Variants in PLEKHA5 observed in about 807,000 individuals in gnomAD.
PLEKHA5 encodes pleckstrin homology domain containing A5.
Under a neutral mutation model 181.9 loss-of-function variants are expected in PLEKHA5, and 55 were observed. The observed-to-expected ratio is 0.30, with a 90% CI of 0.24 to 0.38. The LOEUF (loss-of-function observed/expected upper bound fraction) is 0.38, where lower values mean the gene tolerates loss of function less well. Ranked by LOEUF, PLEKHA5 falls within the 10% of genes least tolerant of loss-of-function variation. PLEKHA5 has a pLI of 1.00. For missense variants in PLEKHA5, 1,432 were observed against 1,549.5 expected, an observed-to-expected ratio of 0.92 and a Z score of 1.27; for synonymous variants, 535 against 529.4, an observed-to-expected ratio of 1.01 and a Z score of -0.15.
intron 3 of PLEKHA5, among the ~76,000 whole-genome samples, chr12:19,164,989 A>G (rs1041909593): frequency 6.6e-6 from 1 of 152,020 alleles, no homozygotes; most frequent in African/African-American, 2.4e-5. Context: ...CCTCAAAGCA[A>G]GCAACCAACT....
intron 3 of PLEKHA5, 97 bp downstream of exon 3, chr12:19,132,547 C>T: frequency 1.4e-6 from 1 of 700,776 alleles, no homozygotes; most frequent in East Asian, 2.8e-5. Context: ...TCATGATTTT[C>T]TGAAGTTTAT....
chr12:19,344,444 A>G (rs1343521194), intron 22 of PLEKHA5, among the ~76,000 whole-genome samples: 3 of 152,216 alleles, frequency 2.0e-5, no homozygotes, highest in South Asian at 2.1e-4. Flanking sequence ...GTAAGAATCC[A>G]TTGTATAAGG....
chr12:19,167,912 C>A (rs1006836730), intron 3 of PLEKHA5, among the ~76,000 whole-genome samples: 1 of 152,046 alleles, frequency 6.6e-6, no homozygotes, highest in African/African-American at 2.4e-5. Context: ...CCATAAGTCA[C>A]CCCTGGTAGT....
At chr12:19,170,569 G>GCCA (rs35502714) in intron 3 of PLEKHA5, among the ~76,000 whole-genome samples, 15,338 of 151,940 alleles carry the variant, frequency 0.1, 944 homozygotes, top group Admixed American at 0.19. Context: ...ACAGGCACCT[G>GCCA]CCACCACGCC....
At chr12:19,276,498 C>G (rs1220224031) in intron 11 of PLEKHA5, among the ~76,000 whole-genome samples, 2 of 152,296 alleles carry the variant, frequency 1.3e-5, no homozygotes, top group East Asian at 3.9e-4. Context: ...CGAGACCAGC[C>G]TGGCCAAGAT....
chr12:19,361,341 C>T (rs1235432080), intron 28 of PLEKHA5, among the ~76,000 whole-genome samples: 2 of 151,906 alleles, frequency 1.3e-5, no homozygotes, highest in Non-Finnish European at 2.9e-5. Flanking sequence ...CGCCACCACA[C>T]CCCACTAATT....
intron 3 of PLEKHA5, among the ~76,000 whole-genome samples, chr12:19,249,656 T>A (rs1381254754): frequency 6.6e-6 from 1 of 152,188 alleles, no homozygotes; most frequent in Admixed American, 6.5e-5. Flanking sequence ...TGTATATACA[T>A]GTATATGCTG....
At chr12:19,362,922 C>T (rs960130378) in intron 29 of PLEKHA5, among the ~76,000 whole-genome samples, 1 of 150,878 alleles carries the variant, frequency 6.6e-6, no homozygotes, top group Non-Finnish European at 1.5e-5. Context: ...GATTCCGAAC[C>T]CATGGATCTG....
intron 3 of PLEKHA5, chr12:19,201,500 C>T (rs115274019): frequency 1.5e-3 from 232 of 152,128 alleles, no homozygotes; most frequent in African/African-American, 5.3e-3. Context: ...AGAATGAAAA[C>T]GTGTGCACAC....
intron 3 of PLEKHA5, among the ~76,000 whole-genome samples, chr12:19,242,768 G>A (rs1434044602): frequency 6.6e-6 from 1 of 152,010 alleles, no homozygotes; most frequent in South Asian, 2.1e-4. Context: ...TTTCTCACTG[G>A]GGTTTAAGTC....
chr12:19,252,100 T>C (rs1244646658), intron 3 of PLEKHA5, among the ~76,000 whole-genome samples: 1 of 151,676 alleles, frequency 6.6e-6, no homozygotes, highest in East Asian at 1.9e-4. Context: ...CAATAGTCAA[T>C]ATGGAATTTT....
chr12:19,274,805 A>T lies in PLEKHA5; in HGVS notation c.1135A>T (p.Ser379Cys), dbSNP rs2074052426. The T allele has an allele frequency of 3.1e-6, 5 of 1,614,218 alleles. No homozygotes were observed. Among genetic ancestry groups the T allele is most frequent in the Non-Finnish European group, 2.5e-6 (3 of 1,180,042 alleles). The change falls in exon 11 of 32, where the codon AGT becomes TGT. Residue 379 changes from serine (S) to cysteine (C), a missense_variant. Physicochemically the swap from Ser to Cys is moderately radical, Grantham distance 112. Around this residue, in one of 2 missense-constraint regions of PLEKHA5, gnomAD observed 1,143 missense variants for 1,168.4 expected, o/e 0.98. Transcript: ENST00000429027. ...GCACTACAGACCAATCAACTTGAGC[A>T]GTTCAGAGAACAAAATAGTCAATGT... is the stretch of plus-strand genomic sequence containing the variant. ...TVHYRPINLS[S>C]SENKIVNVSL...
intron 3 of PLEKHA5, among the ~76,000 whole-genome samples, chr12:19,162,987 T>A (rs910392523): frequency 1.3e-5 from 2 of 152,182 alleles, no homozygotes; most frequent in Non-Finnish European, 2.9e-5. Flanking sequence ...ATTTATTTAG[T>A]GCCTTTTAAG....
chr12:19,198,006 T>A (rs1469290291), intron 3 of PLEKHA5, among the ~76,000 whole-genome samples: 1 of 152,120 alleles, frequency 6.6e-6, no homozygotes, highest in Non-Finnish European at 1.5e-5. Context: ...ATCTGCTCAC[T>A]TCTCTCCATC....
chr12:19,367,199 T>G (rs2095446942), intron 30 of PLEKHA5, among the ~76,000 whole-genome samples: 1 of 151,422 alleles, frequency 6.6e-6, no homozygotes, highest in Non-Finnish European at 1.5e-5. Flanking sequence ...TTACTCTTTT[T>G]CTTTATGATT....
chr12:19,214,036 A>G (rs897320776), intron 3 of PLEKHA5, among the ~76,000 whole-genome samples: 2 of 152,228 alleles, frequency 1.3e-5, no homozygotes, highest in African/African-American at 4.8e-5. Flanking sequence ...AAACATCAAT[A>G]TTGTTATTGA....
At position 19,218,301 on chromosome 12, in the gene PLEKHA5, C is replaced by T. The variant is rs546175848; in HGVS notation, c.228-35639C>T. Among the ~76,000 whole-genome samples, 270 of 152,114 alleles carry T rather than the reference C, an allele frequency of 1.8e-3. 1 individual carries two copies. The highest frequency in any genetic ancestry group is 6.3e-3 in the African/African-American group (260 of 41,528). ...GTAATGTTTGCACAAAATGTTTTCT[C>T]CTCCAGTGTTACATGAGAAAACGGA... On this transcript the variant is annotated intron_variant, in intron 3 of 31. Transcript: ENST00000429027.
chr12:19,319,183 T>C (rs1205498348), intron 16 of PLEKHA5, among the ~76,000 whole-genome samples: 1 of 152,202 alleles, frequency 6.6e-6, no homozygotes, highest in East Asian at 1.9e-4. Flanking sequence ...TTGAATAGTA[T>C]AAGAGTATTC....
intron 31 of PLEKHA5, among the ~76,000 whole-genome samples, chr12:19,374,124 A>G (rs181646362): frequency 1.6e-4 from 25 of 152,284 alleles, no homozygotes; most frequent in Middle Eastern, 3.4e-3. Context: ...GATTTAGGAA[A>G]CCTTTACAAA....
Sources: allele counts gnomAD v4.1 joint callset (sites outside exome capture counted in the v4.1 genomes callset), GRCh38; gene constraint gnomAD v4.1.1; regional missense constraint gnomAD v4.1.1; transcripts MANE v1.5; gene names NCBI Gene and HGNC (gene_info 2026-07-23, HGNC 2026-07-21).